The following DNAJC17 variants were observed in gnomAD, a reference collection of about 807,000 sequenced individuals.
The protein encoded by DNAJC17 is dnaJ homolog subfamily C member 17.
DNAJC17 carries 35 observed loss-of-function variants against 48.1 expected under a neutral mutation model. That is an observed-to-expected ratio of 0.73 (90% CI 0.56 to 0.96). DNAJC17 has a LOEUF of 0.96. DNAJC17 is among the 50% of genes least tolerant of loss of function. The pLI is 0.00. For synonymous variants in DNAJC17, 117 were observed against 142.7 expected, an observed-to-expected ratio of 0.82 and a Z score of 1.28; for missense variants, 355 against 377.1, an observed-to-expected ratio of 0.94 and a Z score of 0.48.
At chr15:40,789,716 A>T (rs1889741365) in intron 1 of DNAJC17, among the ~76,000 whole-genome samples, 1 of 151,740 alleles carries the variant, frequency 6.6e-6, no homozygotes. Context: ...TACTTCCTAC[A>T]CCTCATTCAT....
intron 1 of DNAJC17, among the ~76,000 whole-genome samples, chr15:40,792,067 G>C (rs1256448339): frequency 2.0e-5 from 3 of 152,188 alleles, no homozygotes; most frequent in African/African-American, 7.2e-5. Flanking sequence ...TTCATCTCCT[G>C]CGACCTCCTC....
intron 1 of DNAJC17, 136 bp downstream of exon 1, chr15:40,807,233 G>A (rs1890263176): frequency 1.3e-6 from 2 of 1,556,750 alleles, no homozygotes; most frequent in Non-Finnish European, 8.7e-7. Flanking sequence ...CGCCTGCGGA[G>A]GGCATAGCGC....
rs538761945 is a variant in DNAJC17, at chr15:40,799,921, C to A, written c.78+7448G>T. ...CTGGAGTGCAGTGGCACAATCATAG[C>A]GCACTGTAGCCTGGAACTCCTGGGC... is the stretch of plus-strand genomic sequence containing the variant. On this transcript the variant is annotated intron_variant, in intron 1 of 10. Transcript: ENST00000220496. Among the ~76,000 whole-genome samples the A allele has an allele frequency of 2.0e-5, 3 of 152,100 alleles. No homozygotes were observed. The East Asian group carries it at 5.8e-4, about 29-fold the overall frequency.
intron 1 of DNAJC17, among the ~76,000 whole-genome samples, chr15:40,785,358 T>C (rs1280812012): frequency 6.6e-6 from 1 of 152,206 alleles, no homozygotes; most frequent in East Asian, 1.9e-4. Flanking sequence ...CATGGTTCAC[T>C]AAAAGAGGGC....
chr15:40,789,903 CAAAAAAAAAAAAAAA>C (rs71428311), intron 1 of DNAJC17, among the ~76,000 whole-genome samples: 5 of 20,012 alleles, frequency 2.5e-4, no homozygotes, highest in South Asian at 7.2e-3. Context: ...CAGACTGTCT[CAAAAAAAAAAAAAAA>C]AAAAAAAAAA....
In DNAJC17 at chr15:40,766,960, A is replaced by C; in HGVS notation, c.*980T>G. 1 of 275,714 alleles carries C rather than the reference A, an allele frequency of 3.6e-6. No homozygotes were observed. The highest frequency in any genetic ancestry group is 6.8e-6 in the Non-Finnish European group (1 of 148,068). The allele number at this position is 275,714 out of a possible 1,614,324, so 17.1% of individuals were successfully genotyped here. A position where few individuals can be genotyped will look rare whatever the true frequency, so the allele number is the denominator to read the frequency against. On this transcript the variant is annotated 3_prime_UTR_variant, in exon 11 of 11. Transcript: ENST00000220496. ...GGTCTACCATCTGGGACGCTGGGGA[A>C]CCTGATTAACCCCTCTGTTTTCTCA...
At chr15:40,773,907 C>CAG (rs1449308322) in intron 9 of DNAJC17, 70 bp from the exon 10 acceptor site, 36 of 1,356,880 alleles carry the variant, frequency 2.7e-5, no homozygotes, top group Non-Finnish European at 3.2e-5. Context: ...TCTACCCCCA[C>CAG]AGAGAGAACG....
Position 40,770,701 on chromosome 15 carries a change from A to G in DNAJC17, c.793-2639T>C, listed in dbSNP as rs1247105202. The G allele has an allele frequency of 6.5e-7, 1 of 1,547,274 alleles. No individual in the cohort carries two copies. On this transcript the variant is annotated intron_variant, in intron 10 of 10. Coordinates refer to ENST00000220496, the MANE Select transcript of DNAJC17 (RefSeq NM_018163.3). This position sits in a 1 kb window ranked among gnomAD's most constrained non-coding sequence, Gnocchi z 5.0. ...GGCCGGCGCCTGCCACTGTGGGGGG[A>G]CGAGCAGCCCCGGGCCACCCTGCTG...
At chr15:40,779,636 A>G (rs761166791) in intron 2 of DNAJC17, 33 bp from the exon 3 acceptor site, 1 of 1,612,438 alleles carries the variant, frequency 6.2e-7, no homozygotes, top group South Asian at 1.1e-5. Context: ...CAGAAGAAAA[A>G]TAAAGTTAAG....
chr15:40,782,242 T>A (rs1467693120), intron 1 of DNAJC17, among the ~76,000 whole-genome samples: 5 of 151,602 alleles, frequency 3.3e-5, no homozygotes, highest in Non-Finnish European at 4.4e-5. Flanking sequence ...AATAAAAAAA[T>A]TTTAAATTAA....
At position 40,766,541 on chromosome 15, in the gene DNAJC17, G is replaced by A. The variant is rs1888954945; in HGVS notation, c.*1399C>T. ...GAGGAGGGCTGATCCCAGCCCCTGG[G>A]TCAAGGCTCGGGGACAGAAGCCAGC... On this transcript the variant is annotated 3_prime_UTR_variant, in exon 11 of 11. Coordinates refer to ENST00000220496, the MANE Select transcript of DNAJC17 (RefSeq NM_018163.3). 6.6e-6 allele frequency: 1 copy of A among 152,278 alleles called. No individual in the cohort carries two copies. The highest frequency in any genetic ancestry group is 1.5e-5 in the Non-Finnish European group (1 of 68,078). The allele number at this position is 152,278 out of a possible 1,614,324, so 9.4% of individuals were successfully genotyped here.
chr15:40,773,268 T>A (rs757862604), intron 10 of DNAJC17, among the ~76,000 whole-genome samples: 5 of 152,042 alleles, frequency 3.3e-5, no homozygotes, highest in African/African-American at 4.8e-5. Flanking sequence ...CCTGCCAGGG[T>A]TACTTCAAGA....
chr15:40,775,118 G>A lies in DNAJC17; in HGVS notation c.523-10C>T. The A allele has an allele frequency of 6.2e-7, 1 of 1,614,082 alleles. No homozygotes were observed. The highest frequency in any genetic ancestry group is 8.5e-7 in the Non-Finnish European group (1 of 1,180,014). On this transcript the variant is annotated splice_polypyrimidine_tract_variant and intron_variant, in intron 7 of 10. Transcript: ENST00000220496. ...TGCACTTCCATTTTAGCTGAAAAGA[G>A]AGCCTCATGAAACACTGATTCTTGG...
At chr15:40,801,626 GCCTGTAGTCCCAGCTA>G (rs901875608) in intron 1 of DNAJC17, among the ~76,000 whole-genome samples, 1 of 151,464 alleles carries the variant, frequency 6.6e-6, no homozygotes, top group African/African-American at 2.4e-5. Flanking sequence ...GGTGGCGGGC[GCCTGTAGTCCCAGCTA>G]CTCAGGAGGC....
chr15:40,772,250 C>T (rs560734540), intron 10 of DNAJC17: 1 of 167,258 alleles, frequency 6.0e-6, no homozygotes, highest in South Asian at 2.1e-4. Context: ...CTCACCAGAA[C>T]ACAGAAACCA....
At chr15:40,779,150 G>T in intron 4 of DNAJC17, 73 bp downstream of exon 4, 1 of 1,453,200 alleles carries the variant, frequency 6.9e-7, no homozygotes. Context: ...TGGAAGTGAA[G>T]CTTCAGGTGA....
intron 1 of DNAJC17, among the ~76,000 whole-genome samples, chr15:40,798,588 G>C (rs1889996824): frequency 6.6e-6 from 1 of 152,188 alleles, no homozygotes. Context: ...TCAGCAAAGG[G>C]GAGAGTGGTG....
intron 10 of DNAJC17, among the ~76,000 whole-genome samples, chr15:40,768,830 CATGTGGTCCCA>C (rs1889034354): frequency 6.6e-6 from 1 of 152,244 alleles, no homozygotes; most frequent in South Asian, 2.1e-4. Flanking sequence ...GTGTGATGAT[CATGTGGTCCCA>C]ACAGCTTCTC....
At chr15:40,785,363 G>A (rs571333906) in intron 1 of DNAJC17, among the ~76,000 whole-genome samples, 1 of 152,182 alleles carries the variant, frequency 6.6e-6, no homozygotes, top group African/African-American at 2.4e-5. Flanking sequence ...TTCACTAAAA[G>A]AGGGCAAGTT....
Sources: gnomAD v4.1 joint callset for allele counts (sites outside exome capture counted in the v4.1 genomes callset) on GRCh38, gnomAD v4.1.1 for gene constraint, Gnocchi (gnomAD v3.1) non-coding constraint, MANE v1.5 for transcripts, NCBI Gene and HGNC (gene_info 2026-07-23, HGNC 2026-07-21) for gene names.